Variants in SHTN1 observed in about 807,000 individuals in gnomAD.
SHTN1 encodes the protein shootin 1.
Under a neutral mutation model 83.1 loss-of-function variants are expected in SHTN1, and 42 were observed. The observed-to-expected ratio is 0.51, with a 90% CI of 0.39 to 0.65. SHTN1 has a LOEUF of 0.65. SHTN1 is among the 30% of genes least tolerant of loss of function. The pLI is 0.00. For synonymous variants in SHTN1, 224 were observed against 247.7 expected (o/e 0.90, Z 0.90); for missense variants, 622 against 737.8 (o/e 0.84, Z 1.82).
intron 1 of SHTN1, among the ~76,000 whole-genome samples, chr10:117,070,248 T>G (rs1244661314): frequency 6.6e-6 from 1 of 152,280 alleles, no homozygotes; most frequent in Middle Eastern, 3.4e-3. Flanking sequence ...ACATTTTTTC[T>G]ATTCTTATGT....
At chr10:117,054,227 C>G (rs1852793213) in intron 1 of SHTN1, among the ~76,000 whole-genome samples, 1 of 152,048 alleles carries the variant, frequency 6.6e-6, no homozygotes, top group African/African-American at 2.4e-5. Flanking sequence ...CAACAACTGA[C>G]CAGCATTAAT....
intron 12 of SHTN1, among the ~76,000 whole-genome samples, chr10:116,920,590 C>T (rs376411568): frequency 6.6e-6 from 1 of 152,300 alleles, no homozygotes; most frequent in South Asian, 2.1e-4. Context: ...AGTCTGTTCT[C>T]TCACTGCAGC....
chr10:116,972,529 A>T (rs1341710608), intron 2 of SHTN1, among the ~76,000 whole-genome samples: 2 of 152,214 alleles, frequency 1.3e-5, no homozygotes, highest in Non-Finnish European at 2.9e-5. Context: ...CTCTCATTCT[A>T]TCAACAGAGG....
upstream of SHTN1, among the ~76,000 whole-genome samples, chr10:117,007,980 C>T (rs1852047708): frequency 1.3e-5 from 2 of 151,948 alleles, no homozygotes; most frequent in African/African-American, 4.8e-5. Flanking sequence ...TGCACTCCAG[C>T]CTGGGTGACA....
chr10:116,951,345 C>A (rs755551364), intron 6 of SHTN1, among the ~76,000 whole-genome samples: 2 of 152,136 alleles, frequency 1.3e-5, no homozygotes, highest in Admixed American at 6.5e-5. Flanking sequence ...ATCATTTGAG[C>A]CTGGGAGGTT....
intron 1 of SHTN1, among the ~76,000 whole-genome samples, chr10:117,114,664 C>T (rs1280283031): frequency 2.0e-5 from 3 of 152,270 alleles, no homozygotes; most frequent in Middle Eastern, 3.4e-3. Context: ...TTGGGTTGCT[C>T]TTCTACACTT....
rs560500515 is a variant in SHTN1, at chr10:116,900,888, A to C, written c.1673+877T>G. 70 of 985,348 alleles carry C rather than the reference A, an allele frequency of 7.1e-5. No individual in the cohort carries two copies. In the African/African-American group the frequency reaches 1.2e-3, roughly 17 times the overall value. 61.0% of individuals were successfully genotyped at this position (985,348 alleles called of 1,614,324 possible). ...AAAAGTTAATAGTAGCAATGAGAGAATGCAAGAGAGGAAGAAAATACCAGT... is the reference window on the plus strand; with the variant it reads ...AAAAGTTAATAGTAGCAATGAGAGACTGCAAGAGAGGAAGAAAATACCAGT... On this transcript the variant is annotated intron_variant, in intron 16 of 16. Coordinates refer to ENST00000355371, the MANE Select transcript of SHTN1 (RefSeq NM_001127211.3).
chr10:117,097,062 CAA>C (rs60187909), intron 1 of SHTN1, among the ~76,000 whole-genome samples: 7 of 151,118 alleles, frequency 4.6e-5, no homozygotes, highest in African/African-American at 2.4e-5. Context: ...CACACACACA[CAA>C]AGGAAAAAGG....
At chr10:116,965,369 T>C (rs1283861349) in intron 3 of SHTN1, among the ~76,000 whole-genome samples, 2 of 151,924 alleles carry the variant, frequency 1.3e-5, no homozygotes, top group Non-Finnish European at 2.9e-5. Context: ...ATACAAAAAA[T>C]AGCCAGGCAT....
chr10:117,039,262 G>T (rs1852547645), intron 2 of SHTN1, among the ~76,000 whole-genome samples: 1 of 152,226 alleles, frequency 6.6e-6, no homozygotes. Context: ...TACTGTAAGT[G>T]ACATTCTGGA....
intron 14 of SHTN1, chr10:116,911,448 T>C: frequency 6.5e-7 from 1 of 1,545,710 alleles, no homozygotes; most frequent in Non-Finnish European, 8.7e-7. Context: ...ATTATTCATC[T>C]ATTATATTTC....
chr10:117,050,758 G>T (rs571083716), intron 1 of SHTN1, among the ~76,000 whole-genome samples: 5 of 152,146 alleles, frequency 3.3e-5, no homozygotes, highest in African/African-American at 1.2e-4. Context: ...GAACAGGCTG[G>T]GCATGGTGAC....
chr10:116,983,676 ATAGATAGATAAATACATACATAC>A (rs1851119977), intron 1 of SHTN1, among the ~76,000 whole-genome samples: 14 of 63,106 alleles, frequency 2.2e-4, no homozygotes, highest in East Asian at 1.4e-3. Flanking sequence ...AGATAGATAG[ATAGATAGATAAATACATACATAC>A]ATACATACAT....
intron 16 of SHTN1, among the ~76,000 whole-genome samples, chr10:116,893,892 A>C (rs1230738247): frequency 6.6e-6 from 1 of 152,184 alleles, no homozygotes; most frequent in East Asian, 1.9e-4. Flanking sequence ...CTTTCATAGG[A>C]TTAGAGAAAG....
At chr10:117,090,655 T>A (rs1173096707) in intron 1 of SHTN1, among the ~76,000 whole-genome samples, 1 of 152,120 alleles carries the variant, frequency 6.6e-6, no homozygotes, top group African/African-American at 2.4e-5. Flanking sequence ...CTGTTTCATA[T>A]GATTGTGCCA....
chr10:117,057,910 C>T (rs1381469134), intron 1 of SHTN1, among the ~76,000 whole-genome samples: 1 of 152,128 alleles, frequency 6.6e-6, no homozygotes, highest in African/African-American at 2.4e-5. Flanking sequence ...CTCAAGGGAG[C>T]TAAGACTATT....
intron 1 of SHTN1, among the ~76,000 whole-genome samples, chr10:117,107,890 A>T (rs1321620602): frequency 6.6e-6 from 1 of 152,166 alleles, no homozygotes; most frequent in Non-Finnish European, 1.5e-5. Context: ...CAGTGGTGTG[A>T]TCACAGCTCA....
At chr10:116,978,552 T>C (rs951793186) in intron 2 of SHTN1, among the ~76,000 whole-genome samples, 1 of 151,722 alleles carries the variant, frequency 6.6e-6, no homozygotes, top group Non-Finnish European at 1.5e-5. Flanking sequence ...TTTCTGACCT[T>C]AGTCTGTTCT....
At chr10:117,022,969 T>C (rs1427052757) in intron 2 of SHTN1, among the ~76,000 whole-genome samples, 6 of 152,202 alleles carry the variant, frequency 3.9e-5, no homozygotes, top group African/African-American at 1.4e-4. Flanking sequence ...CATGATTTAA[T>C]TTCAAGTCTC....
Sources: allele counts gnomAD v4.1 joint callset (sites outside exome capture counted in the v4.1 genomes callset), GRCh38; gene constraint gnomAD v4.1.1; transcripts MANE v1.5; gene names NCBI Gene and HGNC (gene_info 2026-07-23, HGNC 2026-07-21).